BAIAP2: variants seen among roughly 807,000 people sequenced by gnomAD.
BAIAP2 encodes the protein BAR/IMD domain-containing adapter protein 2.
In BAIAP2, 18 loss-of-function variants were observed where a neutral mutation model predicts 63.0. That is an observed-to-expected ratio of 0.29 (90% confidence interval 0.20 to 0.42). The LOEUF (loss-of-function observed/expected upper bound fraction) is 0.42, where lower values mean the gene tolerates loss of function less well. Among genes scored for constraint, BAIAP2 ranks in the 10% least tolerant of loss-of-function variants. The pLI is 1.00. For missense variants in BAIAP2, 610 were observed against 734.3 expected (o/e 0.83, Z 1.96); for synonymous variants, 386 against 307.6 (o/e 1.25, Z -2.67).
intron 3 of BAIAP2, among the ~76,000 whole-genome samples, chr17:81,077,337 T>TG (rs2053829093): frequency 6.6e-6 from 1 of 151,862 alleles, no homozygotes; most frequent in African/African-American, 2.4e-5. Flanking sequence ...GAGGACGGGG[T>TG]GGGTGGATCA....
In BAIAP2 at chr17:81,107,046, C is replaced by T. The variant is rs1023579112; in HGVS notation, c.1500+139C>T. ...TTGGACAGCCCTGGGGTGAAGGCTGCATGATTTGGGAATGTGTACACACCC... is the reference window on the plus strand; with the variant it reads ...TTGGACAGCCCTGGGGTGAAGGCTGTATGATTTGGGAATGTGTACACACCC... On this transcript the variant is annotated intron_variant, in intron 12 of 13. Transcript: ENST00000428708. The T allele has an allele frequency of 6.5e-6, 7 of 1,080,466 alleles. No individual in the cohort carries two copies. The East Asian group carries it at 2.0e-4, about 30-fold the overall frequency. The allele number at this position is 1,080,466 out of a possible 1,614,324, so 66.9% of individuals were successfully genotyped here. A position where few individuals can be genotyped will look rare whatever the true frequency, so the allele number is the denominator to read the frequency against.
intron 1 of BAIAP2, among the ~76,000 whole-genome samples, chr17:81,051,421 GAC>G (rs1248667985): frequency 6.6e-6 from 1 of 152,116 alleles, no homozygotes; most frequent in East Asian, 1.9e-4. Flanking sequence ...ATTTTTTTGA[GAC>G]AGAGTCTCAC....
At chr17:81,114,164 G>A (rs1302756468) in intron 13 of BAIAP2, among the ~76,000 whole-genome samples, 1 of 143,420 alleles carries the variant, frequency 7.0e-6, no homozygotes, top group African/African-American at 2.7e-5. Flanking sequence ...TTGTAGAGAC[G>A]GGTACGCTTT....
At chr17:81,062,330 A>G (rs140055278) in intron 3 of BAIAP2, among the ~76,000 whole-genome samples, 53 of 150,984 alleles carry the variant, frequency 3.5e-4, no homozygotes, top group Non-Finnish European at 5.9e-4. Flanking sequence ...TTGGTATTAC[A>G]GTTTTTTGGT....
chr17:81,051,130 CT>C (rs147402717), intron 1 of BAIAP2, among the ~76,000 whole-genome samples: 7,802 of 152,030 alleles, frequency 0.051, 304 homozygotes, highest in Admixed American at 0.11. Context: ...GTCCAGGCTC[CT>C]GGTTCATTGC....
At chr17:81,055,060 G>A (rs547985278) in intron 2 of BAIAP2, among the ~76,000 whole-genome samples, 13 of 152,256 alleles carry the variant, frequency 8.5e-5, no homozygotes, top group South Asian at 6.2e-4. Flanking sequence ...CACGTGCTGC[G>A]TCTCTGCCGG....
intron 6 of BAIAP2, 124 bp downstream of exon 6, chr17:81,086,704 T>G: frequency 1.7e-6 from 2 of 1,173,324 alleles, no homozygotes; most frequent in Non-Finnish European, 2.4e-6. Flanking sequence ...AGGCAGGCTG[T>G]GTGTCCCTGG....
intron 10 of BAIAP2, chr17:81,105,111 G>A (rs1268756627): frequency 1.7e-5 from 2 of 114,382 alleles, no homozygotes; most frequent in Non-Finnish European, 3.9e-5. Flanking sequence ...TCTCCCCCCA[G>A]TGGCAGGGGT....
Position 81,117,067 on chromosome 17 carries a change from C to T in BAIAP2, c.*1228C>T, listed in dbSNP as rs2060568724. On this transcript the variant is annotated 3_prime_UTR_variant, in exon 14 of 14. Transcript: ENST00000428708. ...CATTCTTCACCCGTCCCTACCAGGC[C>T]AACTCGGCCTGCAGGAAGGGAGACC... 6.6e-6 allele frequency: 1 copy of T among 152,296 alleles called. No homozygotes were observed. Among genetic ancestry groups the T allele is most frequent in the African/African-American group, 2.4e-5 (1 of 41,450 alleles). 9.4% of individuals were successfully genotyped at this position (152,296 alleles called of 1,614,324 possible).
At chr17:81,098,481 T>C (rs773632035) in intron 6 of BAIAP2, among the ~76,000 whole-genome samples, 1 of 152,066 alleles carries the variant, frequency 6.6e-6, no homozygotes, top group Non-Finnish European at 1.5e-5. Context: ...ACGGTAACCA[T>C]CTTTAAGTGC....
At chr17:81,100,897 C>T (rs1018666962) in intron 7 of BAIAP2, among the ~76,000 whole-genome samples, 2 of 152,210 alleles carry the variant, frequency 1.3e-5, no homozygotes, top group African/African-American at 4.8e-5. Context: ...CTGCCTGCAC[C>T]CCTGAGCCAC....
intron 6 of BAIAP2, among the ~76,000 whole-genome samples, 192 bp downstream of exon 6, chr17:81,086,772 T>G (rs2055732959): frequency 6.6e-6 from 1 of 152,224 alleles, no homozygotes; most frequent in Non-Finnish European, 1.5e-5. Flanking sequence ...TCGGCTCACC[T>G]GTGGGGCTCT....
chr17:81,042,906 C>A (rs1236004475), intron 1 of BAIAP2, among the ~76,000 whole-genome samples: 1 of 150,958 alleles, frequency 6.6e-6, no homozygotes, highest in African/African-American at 2.4e-5. Context: ...TTATTTAAGA[C>A]AGAGTCTTGT....
intron 1 of BAIAP2, among the ~76,000 whole-genome samples, chr17:81,051,957 T>G (rs2048740800): frequency 6.6e-6 from 1 of 152,240 alleles, no homozygotes; most frequent in Non-Finnish European, 1.5e-5. Flanking sequence ...CCCAAAATGC[T>G]GGGATTATAC....
chr17:81,044,346 C>T (rs1482669714), intron 1 of BAIAP2, among the ~76,000 whole-genome samples: 4 of 152,200 alleles, frequency 2.6e-5, no homozygotes, highest in African/African-American at 2.4e-5. Context: ...ACCTAGTGAC[C>T]GGGCCTTTCC....
At chr17:81,039,879 C>G (rs4969359) in intron 1 of BAIAP2, among the ~76,000 whole-genome samples, 1 of 152,288 alleles carries the variant, frequency 6.6e-6, no homozygotes, top group African/African-American at 2.4e-5. Context: ...CTTCCGAGCT[C>G]CAGGAGGCAG....
chr17:81,086,926 G>A, intron 6 of BAIAP2: 1 of 203,280 alleles, frequency 4.9e-6, no homozygotes. Context: ...CGTGGCCTCC[G>A]CCTGCAGGGC....
chr17:81,081,977 A>G (rs1369868208), intron 3 of BAIAP2, among the ~76,000 whole-genome samples: 1 of 152,074 alleles, frequency 6.6e-6, no homozygotes, highest in Non-Finnish European at 1.5e-5. Flanking sequence ...CCGTGGAGGT[A>G]CTGGGTGTGC....
At chr17:81,045,080 G>A (rs748614902) in intron 1 of BAIAP2, among the ~76,000 whole-genome samples, 29 of 152,232 alleles carry the variant, frequency 1.9e-4, no homozygotes, top group Non-Finnish European at 8.8e-5. Context: ...GCTGGGCTGC[G>A]GCTCCTCCTG....
Sources: allele counts gnomAD v4.1 joint callset (sites outside exome capture counted in the v4.1 genomes callset), GRCh38; gene constraint gnomAD v4.1.1; transcripts MANE v1.5; gene names NCBI Gene and HGNC (gene_info 2026-07-23, HGNC 2026-07-21).